Variants in KDM4C observed in about 807,000 individuals in gnomAD.
KDM4C encodes lysine-specific demethylase 4C.
Under a neutral mutation model 129.3 loss-of-function variants are expected in KDM4C, and 81 were observed. The observed-to-expected ratio is 0.63, with a 90% CI of 0.52 to 0.75. The LOEUF (loss-of-function observed/expected upper bound fraction) is 0.75, where lower values mean the gene tolerates loss of function less well. Among genes scored for constraint, KDM4C ranks in the 30% least tolerant of loss-of-function variants. The pLI is 0.00. For missense variants in KDM4C, 1,457 were observed against 1,304.0 expected, an observed-to-expected ratio of 1.12 and a Z score of -1.81; for synonymous variants, 573 against 456.1, an observed-to-expected ratio of 1.26 and a Z score of -3.26.
intron 5 of KDM4C, among the ~76,000 whole-genome samples, chr9:6,855,844 C>G (rs1053346936): frequency 6.6e-6 from 1 of 152,190 alleles, no homozygotes; most frequent in Non-Finnish European, 1.5e-5. Context: ...AAAATGTGAG[C>G]TCTGGGAGTT....
chr9:6,759,691 G>C (rs1053911799), intron 1 of KDM4C, among the ~76,000 whole-genome samples: 5 of 152,056 alleles, frequency 3.3e-5, no homozygotes, highest in African/African-American at 1.2e-4. Flanking sequence ...CGTGGCTCCT[G>C]CCTGTAATCC....
chr9:6,823,570 C>T (rs1319669317), intron 4 of KDM4C, among the ~76,000 whole-genome samples: 1 of 152,188 alleles, frequency 6.6e-6, no homozygotes, highest in Non-Finnish European at 1.5e-5. Flanking sequence ...TTTGCACTTG[C>T]TTTGAAACTT....
intron 1 of KDM4C, among the ~76,000 whole-genome samples, chr9:6,778,307 C>T (rs1305811348): frequency 6.7e-6 from 1 of 149,530 alleles, no homozygotes; most frequent in Non-Finnish European, 1.5e-5. Context: ...CCAGGCTGGT[C>T]TTGAACTCCT....
At chr9:6,859,143 C>G (rs1232068860) in intron 5 of KDM4C, among the ~76,000 whole-genome samples, 1 of 152,028 alleles carries the variant, frequency 6.6e-6, no homozygotes, top group Non-Finnish European at 1.5e-5. Flanking sequence ...TTAGTGAAGT[C>G]CTTTGATGTT....
At chr9:7,092,379 G>C (rs1835906888) in intron 17 of KDM4C, among the ~76,000 whole-genome samples, 1 of 152,122 alleles carries the variant, frequency 6.6e-6, no homozygotes, top group South Asian at 2.1e-4. Flanking sequence ...CTGCTTTGAT[G>C]GCAGTATCAT....
intron 8 of KDM4C, among the ~76,000 whole-genome samples, chr9:6,937,605 G>T (rs1825054076): frequency 6.6e-6 from 1 of 152,114 alleles, no homozygotes; most frequent in Non-Finnish European, 1.5e-5. Context: ...TGCTCTAGCA[G>T]GCTGGGAGTC....
intron 15 of KDM4C, among the ~76,000 whole-genome samples, chr9:7,024,046 C>G (rs1825350086): frequency 6.6e-6 from 1 of 152,098 alleles, no homozygotes; most frequent in South Asian, 2.1e-4. Flanking sequence ...GTTTTGTGAC[C>G]TAACATGACC....
intron 1 of KDM4C, among the ~76,000 whole-genome samples, chr9:6,768,329 T>C (rs1482688324): frequency 1.3e-5 from 2 of 150,150 alleles, no homozygotes; most frequent in African/African-American, 5.0e-5. Context: ...TGGGTAGTGC[T>C]GAACAGGATT....
At chr9:7,168,013 C>T (rs1844577747) in intron 20 of KDM4C, among the ~76,000 whole-genome samples, 1 of 151,414 alleles carries the variant, frequency 6.6e-6, no homozygotes, top group East Asian at 1.9e-4. Flanking sequence ...GCAACCCCGT[C>T]TCTACTAAAA....
chr9:6,780,557 C>A (rs1309953148), intron 1 of KDM4C, among the ~76,000 whole-genome samples: 1 of 151,742 alleles, frequency 6.6e-6, no homozygotes, highest in Non-Finnish European at 1.5e-5. Context: ...TCTTCGAGCT[C>A]AAGAGTCCAG....
At chr9:6,870,078 TTAAC>T (rs772430641) in intron 5 of KDM4C, among the ~76,000 whole-genome samples, 2 of 152,260 alleles carry the variant, frequency 1.3e-5, no homozygotes, top group African/African-American at 2.4e-5. Flanking sequence ...GTATTATAAA[TTAAC>T]TACTTCAGGA....
At chr9:7,122,560 C>T (rs1479623490) in intron 18 of KDM4C, among the ~76,000 whole-genome samples, 6 of 152,202 alleles carry the variant, frequency 3.9e-5, no homozygotes, top group Non-Finnish European at 8.8e-5. Context: ...GTTACATCAT[C>T]TATTTAGTCA....
At chr9:6,831,555 C>G (rs1834831775) in intron 4 of KDM4C, among the ~76,000 whole-genome samples, 1 of 152,052 alleles carries the variant, frequency 6.6e-6, no homozygotes, top group Admixed American at 6.5e-5. Flanking sequence ...GTTGGCCAGG[C>G]TGGTCTCGAA....
chr9:6,936,782 C>G (rs1372993245), intron 8 of KDM4C, among the ~76,000 whole-genome samples: 1 of 152,108 alleles, frequency 6.6e-6, no homozygotes, highest in South Asian at 2.1e-4. Context: ...ATTTTTGCTT[C>G]CTAATAACTA....
At chr9:6,951,070 A>C (rs888770370) in intron 8 of KDM4C, among the ~76,000 whole-genome samples, 3 of 152,050 alleles carry the variant, frequency 2.0e-5, no homozygotes, top group Non-Finnish European at 2.9e-5. Flanking sequence ...ATAATTGTAC[A>C]TATTCATTGG....
chr9:7,034,072 C>T (rs10975997), intron 15 of KDM4C, among the ~76,000 whole-genome samples: 114,523 of 151,744 alleles, frequency 0.75, 43,325 homozygotes, highest in Admixed American at 0.79. Context: ...TGTTGCTTTT[C>T]TTAAAAAATT....
intron 12 of KDM4C, among the ~76,000 whole-genome samples, chr9:7,004,807 C>G (rs1821353834): frequency 6.6e-6 from 1 of 152,196 alleles, no homozygotes; most frequent in African/African-American, 2.4e-5. Context: ...GTGTTGTCAT[C>G]TTAAACACAT....
intron 11 of KDM4C, among the ~76,000 whole-genome samples, chr9:6,989,334 T>C (rs150616090): frequency 9.2e-5 from 14 of 152,262 alleles, no homozygotes; most frequent in Non-Finnish European, 1.5e-4. Flanking sequence ...TAGTCAACTC[T>C]TGATGTAAGC....
intron 17 of KDM4C, among the ~76,000 whole-genome samples, chr9:7,093,204 A>AG (rs918629376): frequency 1.3e-5 from 2 of 152,128 alleles, no homozygotes; most frequent in African/African-American, 4.8e-5. Context: ...CCCTCTTTTG[A>AG]GGACCTGTTA....
Sources: gnomAD v4.1 joint callset for allele counts (sites outside exome capture counted in the v4.1 genomes callset) on GRCh38, gnomAD v4.1.1 for gene constraint, MANE v1.5 for transcripts, NCBI Gene and HGNC (gene_info 2026-07-23, HGNC 2026-07-21) for gene names.